The following TRDN variants were observed in gnomAD, a reference collection of about 807,000 sequenced individuals.
The protein encoded by TRDN is triadin in skeletal muscle.
In TRDN, 161 loss-of-function variants were observed where a neutral mutation model predicts 149.7. That is an observed-to-expected ratio of 1.08 (90% CI 0.95 to 1.23). The LOEUF is 1.23. Among genes scored for constraint, TRDN ranks in the 50% most tolerant of loss-of-function variants. TRDN has a pLI of 0.00. For synonymous variants in TRDN, 294 were observed against 250.5 expected (o/e 1.17, Z -1.64); for missense variants, 896 against 823.5 (o/e 1.09, Z -1.08).
At chr6:123,612,975 C>T (rs1301694308) in intron 1 of TRDN, among the ~76,000 whole-genome samples, 1 of 152,046 alleles carries the variant, frequency 6.6e-6, no homozygotes, top group Non-Finnish European at 1.5e-5. Flanking sequence ...ATAATTCCAC[C>T]TACTTATCAT....
chr6:123,456,186 T>C (rs1295236611), intron 10 of TRDN, among the ~76,000 whole-genome samples: 1 of 152,200 alleles, frequency 6.6e-6, no homozygotes, highest in African/African-American at 2.4e-5. Flanking sequence ...GTAAGTCTGA[T>C]TTTCAAATGA....
chr6:123,423,540 G>T lies in TRDN; in HGVS notation c.1051+14523C>A, dbSNP rs1377368015. Among the ~76,000 whole-genome samples the T allele has an allele frequency of 2.6e-5, 4 of 151,942 alleles. No homozygotes were observed. The East Asian group carries it at 5.8e-4, about 22-fold the overall frequency. On this transcript the variant is annotated intron_variant, in intron 12 of 40. Transcript: ENST00000334268. ...CTCATTATTCAAGAGTTTTAAAGTT[G>T]CTATAACTATTCTAAATCTGTATGG...
Position 123,570,912 on chromosome 6 carries a change from A to G in TRDN, c.232+11T>C, listed in dbSNP as rs776184626. On this transcript the variant is annotated intron_variant, in intron 2 of 40. Coordinates refer to ENST00000334268, the MANE Select transcript of TRDN (RefSeq NM_006073.4). ...AATTTTAATTTTAAAGCCAAATTTT[A>G]TGGAACTTACCTGAAAAGTTTTTGT... 1.9e-6 allele frequency: 3 copies of G among 1,609,868 alleles called. No homozygotes were observed. Among genetic ancestry groups the G allele is most frequent in the Non-Finnish European group, 2.5e-6 (3 of 1,176,862 alleles).
intron 9 of TRDN, chr6:123,470,197 T>C (rs2114730876): frequency 6.6e-6 from 1 of 152,298 alleles, no homozygotes; most frequent in Admixed American, 6.5e-5. Flanking sequence ...GTCATTAACA[T>C]ACAACATATA....
intron 2 of TRDN, among the ~76,000 whole-genome samples, chr6:123,567,753 A>T (rs981438803): frequency 6.6e-6 from 1 of 152,138 alleles, no homozygotes; most frequent in Non-Finnish European, 1.5e-5. Context: ...CATCTCTATT[A>T]AACAATAATC....
chr6:123,532,849 G>A (rs4142959), intron 4 of TRDN, among the ~76,000 whole-genome samples: 1 of 150,262 alleles, frequency 6.7e-6, no homozygotes, highest in Non-Finnish European at 1.5e-5. Context: ...CAGGTCTAAG[G>A]CACGTCTAAT....
At chr6:123,563,214 A>T (rs1386398208) in intron 2 of TRDN, among the ~76,000 whole-genome samples, 1 of 152,176 alleles carries the variant, frequency 6.6e-6, no homozygotes. Context: ...TGTATATTTC[A>T]CCTCTCTTAC....
At chr6:123,265,001 C>T (rs1412969123) in intron 33 of TRDN, among the ~76,000 whole-genome samples, 2 of 151,970 alleles carry the variant, frequency 1.3e-5, no homozygotes, top group African/African-American at 2.4e-5. Context: ...ACCTGCAATA[C>T]CCCCGAGGTA....
intron 27 of TRDN, among the ~76,000 whole-genome samples, chr6:123,273,588 A>C (rs1582808437): frequency 6.6e-6 from 1 of 152,000 alleles, no homozygotes; most frequent in East Asian, 1.9e-4. Context: ...ATAAATAATA[A>C]AATACTAATA....
intron 10 of TRDN, among the ~76,000 whole-genome samples, chr6:123,441,429 A>T (rs1340056236): frequency 6.6e-6 from 1 of 152,200 alleles, no homozygotes; most frequent in African/African-American, 2.4e-5. Context: ...AGAAGATTAA[A>T]AATTAAATGT....
At chr6:123,590,010 T>C (rs930563272) in intron 1 of TRDN, among the ~76,000 whole-genome samples, 29 of 152,318 alleles carry the variant, frequency 1.9e-4, no homozygotes, top group African/African-American at 6.5e-4. Flanking sequence ...GAAATTTCCA[T>C]CCATTTGTTG....
At chr6:123,583,529 C>T (rs142399581) in intron 1 of TRDN, among the ~76,000 whole-genome samples, 13,694 of 143,676 alleles carry the variant, frequency 0.095, 751 homozygotes, top group African/African-American at 0.14. Context: ...TCTACTTTTC[C>T]TGAAGATGGA....
At chr6:123,483,855 T>A (rs1156892074) in intron 9 of TRDN, among the ~76,000 whole-genome samples, 1 of 152,162 alleles carries the variant, frequency 6.6e-6, no homozygotes, top group African/African-American at 2.4e-5. Context: ...TTGATGAAGA[T>A]GTAAACAGAA....
chr6:123,366,047 C>A (rs1781087172), intron 20 of TRDN, 88 bp downstream of exon 20: 1 of 1,237,854 alleles, frequency 8.1e-7, no homozygotes, highest in African/African-American at 1.5e-5. Flanking sequence ...AAATAGAGCT[C>A]TTTTCTAAGC....
At chr6:123,392,665 T>C (rs988113829) in intron 13 of TRDN, among the ~76,000 whole-genome samples, 3 of 152,060 alleles carry the variant, frequency 2.0e-5, no homozygotes, top group African/African-American at 4.8e-5. Context: ...ACTGGTATCA[T>C]AGCTTTTAAT....
At chr6:123,399,502 C>T (rs1772874581) in intron 12 of TRDN, among the ~76,000 whole-genome samples, 1 of 152,162 alleles carries the variant, frequency 6.6e-6, no homozygotes, top group Non-Finnish European at 1.5e-5. Context: ...GGGCAGATTA[C>T]ATTTAGACTA....
rs529514267 is a variant in TRDN, at chr6:123,383,745, A to T, written c.1136-1598T>A. 3.3e-5 allele frequency among the ~76,000 whole-genome samples: 5 copies of T among 152,272 alleles called. No individual in the cohort carries two copies. In the South Asian group the frequency reaches 1.0e-3, roughly 32 times the overall value. On this transcript the variant is annotated intron_variant, in intron 14 of 40. Coordinates refer to ENST00000334268, the MANE Select transcript of TRDN (RefSeq NM_006073.4). ...GTGTATGAAGAAAGATTAGAAGAAA[A>T]TATGCCAACATACTAATGGTAGTTG... is the stretch of plus-strand genomic sequence containing the variant.
At chr6:123,379,297 T>C (rs182535134) in intron 16 of TRDN, among the ~76,000 whole-genome samples, 1 of 152,140 alleles carries the variant, frequency 6.6e-6, no homozygotes, top group East Asian at 1.9e-4. Context: ...GAGCAACTTA[T>C]CCTCTTTTAA....
At chr6:123,448,204 T>C (rs1169546238) in intron 10 of TRDN, among the ~76,000 whole-genome samples, 3 of 152,030 alleles carry the variant, frequency 2.0e-5, no homozygotes, top group Non-Finnish European at 4.4e-5. Flanking sequence ...AGCTGAACTT[T>C]GTAACAATTT....
Sources: allele counts gnomAD v4.1 joint callset (sites outside exome capture counted in the v4.1 genomes callset), GRCh38; gene constraint gnomAD v4.1.1; transcripts MANE v1.5; gene names NCBI Gene and HGNC (gene_info 2026-07-23, HGNC 2026-07-21).